Variants in TSHZ2 observed in about 807,000 individuals in gnomAD.
TSHZ2 encodes the protein teashirt homolog 2.
A neutral mutation model predicts 74.4 loss-of-function variants in TSHZ2; 21 were observed. The observed-to-expected ratio is 0.28, with a 90% CI of 0.20 to 0.41. TSHZ2 has a LOEUF of 0.41. TSHZ2 is among the 10% of genes least tolerant of loss of function. The pLI is 1.00. For synonymous variants in TSHZ2, 540 were observed against 515.3 expected, an observed-to-expected ratio of 1.05 and a Z score of -0.65; for missense variants, 1,244 against 1,293.5, an observed-to-expected ratio of 0.96 and a Z score of 0.59.
chr20:53,342,625 A>G (rs1980252779), intron 2 of TSHZ2, among the ~76,000 whole-genome samples: 1 of 152,066 alleles, frequency 6.6e-6, no homozygotes, highest in Non-Finnish European at 1.5e-5. Context: ...CACTGTAGAC[A>G]CTCACGTATG....
chr20:53,291,851 A>C (rs1199677347), intron 2 of TSHZ2, among the ~76,000 whole-genome samples: 2 of 152,220 alleles, frequency 1.3e-5, no homozygotes, highest in Non-Finnish European at 2.9e-5. Flanking sequence ...TGGTACATCA[A>C]GGCAAACCTT....
At position 53,409,302 on chromosome 20, in the gene TSHZ2, C is replaced by T. The variant is rs1311435550; in HGVS notation, c.*9-77842C>T. Reference sequence around the variant, plus strand: ...TTATCTTTCTAAACAGTTGGCGATTCCTATTCTTGTTCGTCTTCCTGAACA... The same window carrying T: ...TTATCTTTCTAAACAGTTGGCGATTTCTATTCTTGTTCGTCTTCCTGAACA... On this transcript the variant is annotated intron_variant, in intron 2 of 2. Transcript: ENST00000371497. Among the ~76,000 whole-genome samples the T allele has an allele frequency of 2.0e-5, 3 of 152,064 alleles. No homozygotes were observed. In the East Asian group the frequency reaches 5.8e-4, roughly 29 times the overall value.
rs1404565328 is a variant in TSHZ2, at chr20:53,074,175, T to A, written c.40+100842T>A. On this transcript the variant is annotated intron_variant, in intron 1 of 2. Transcript: ENST00000371497. The surrounding 1 kb of genome is among the most constrained non-coding windows in gnomAD (Gnocchi z 5.9). The stretch of plus-strand genomic sequence containing the variant: ...TGCTGTTCAAATGTCGCCTTCTCAA[T>A]GGAGCCCTCCTTGACCACTCCCTTG... Among the ~76,000 whole-genome samples, 1 of 152,254 alleles carries A rather than the reference T, an allele frequency of 6.6e-6. No homozygotes were observed. Among genetic ancestry groups the A allele is most frequent in the Non-Finnish European group, 1.5e-5 (1 of 68,040 alleles).
chr20:53,303,196 C>G (rs1978381009), intron 2 of TSHZ2, among the ~76,000 whole-genome samples: 1 of 152,164 alleles, frequency 6.6e-6, no homozygotes, highest in Admixed American at 6.5e-5. Flanking sequence ...AATTTCAAAA[C>G]TTTAGACACC....
intron 2 of TSHZ2, among the ~76,000 whole-genome samples, chr20:53,374,048 A>G (rs1981572161): frequency 6.6e-6 from 1 of 152,246 alleles, no homozygotes; most frequent in African/African-American, 2.4e-5. Flanking sequence ...TTATATAGGT[A>G]AATTGTGAGT....
intron 2 of TSHZ2, among the ~76,000 whole-genome samples, chr20:53,295,837 A>AT (rs1383871315): frequency 6.6e-6 from 1 of 152,104 alleles, no homozygotes; most frequent in East Asian, 1.9e-4. Context: ...ACACTTTGAG[A>AT]TTTTCTTTTT....
chr20:53,118,068 G>C (rs931576445), intron 1 of TSHZ2, among the ~76,000 whole-genome samples: 2 of 152,174 alleles, frequency 1.3e-5, no homozygotes, highest in Non-Finnish European at 1.5e-5. Flanking sequence ...ATTTGCTCTT[G>C]ATCACCACTG....
rs929587008 is a variant in TSHZ2 at position 53,134,452 on chromosome 20, A to G, written c.41-119047A>G. On this transcript the variant is annotated intron_variant, in intron 1 of 2. Coordinates refer to ENST00000371497, the MANE Select transcript of TSHZ2 (RefSeq NM_173485.6). ...TTAACCTGGAGCATAGCACACCTCA[A>G]TATAAATTTTCTCATCATTTGACAC... Among the ~76,000 whole-genome samples, 23 of 152,302 alleles carry G rather than the reference A, an allele frequency of 1.5e-4. 1 individual carries two copies. The highest frequency in any genetic ancestry group is 5.2e-4 in the Admixed American group (8 of 15,294).
intron 2 of TSHZ2, among the ~76,000 whole-genome samples, chr20:53,320,588 G>A (rs1027262833): frequency 1.3e-5 from 2 of 152,218 alleles, no homozygotes; most frequent in African/African-American, 2.4e-5. Context: ...TTCTAGAAGT[G>A]TTGCTGGTAG....
intron 1 of TSHZ2, among the ~76,000 whole-genome samples, chr20:53,226,176 T>C (rs1989683867): frequency 6.9e-6 from 1 of 145,626 alleles, no homozygotes; most frequent in South Asian, 2.3e-4. Flanking sequence ...ACAAACACAA[T>C]GCTAACTCAG....
At chr20:53,468,862 A>G (rs1985645878) in intron 2 of TSHZ2, among the ~76,000 whole-genome samples, 1 of 150,234 alleles carries the variant, frequency 6.7e-6, no homozygotes, top group African/African-American at 2.4e-5. Flanking sequence ...GTCAATTATG[A>G]CCCGAATGCT....
chr20:53,294,270 G>A (rs1473517228), intron 2 of TSHZ2, among the ~76,000 whole-genome samples: 2 of 152,308 alleles, frequency 1.3e-5, no homozygotes, highest in South Asian at 2.1e-4. Flanking sequence ...AGTTAGTGCC[G>A]AACCTAGCAC....
chr20:53,182,173 T>C (rs1443961011), intron 1 of TSHZ2, among the ~76,000 whole-genome samples: 34 of 125,068 alleles, frequency 2.7e-4, no homozygotes, highest in South Asian at 5.6e-4. Flanking sequence ...TTTCTTTCTT[T>C]CTTCCTTCCT....
chr20:53,381,250 T>G (rs527346529), intron 2 of TSHZ2, among the ~76,000 whole-genome samples: 45 of 152,338 alleles, frequency 3.0e-4, no homozygotes, highest in African/African-American at 1.1e-3. Flanking sequence ...ATCACTCACT[T>G]TAGCAGTTCT....
At chr20:53,429,631 C>G (rs369812095) in intron 2 of TSHZ2, among the ~76,000 whole-genome samples, 22 of 152,148 alleles carry the variant, frequency 1.4e-4, no homozygotes, top group African/African-American at 4.8e-4. Flanking sequence ...GTAAATTGCC[C>G]AGTCTCAGGT....
chr20:53,188,706 T>G (rs1353675851), intron 1 of TSHZ2, among the ~76,000 whole-genome samples: 1 of 152,218 alleles, frequency 6.6e-6, no homozygotes, highest in East Asian at 1.9e-4. Context: ...CATATACATA[T>G]GAATACATAT....
chr20:53,349,572 A>G (rs1980565357), intron 2 of TSHZ2, among the ~76,000 whole-genome samples: 1 of 150,044 alleles, frequency 6.7e-6, no homozygotes, highest in Admixed American at 6.7e-5. Flanking sequence ...GGATCACTTG[A>G]GTCTGGGAGG....
At position 53,131,775 on chromosome 20, in the gene TSHZ2, G is replaced by A. The variant is rs1182291132; in HGVS notation, c.41-121724G>A. On this transcript the variant is annotated intron_variant, in intron 1 of 2. Coordinates refer to ENST00000371497, the MANE Select transcript of TSHZ2 (RefSeq NM_173485.6). ...ACATCTGAAGATTTTAATTGGGTTTGCATTTTAATCTGTTACTCTTCACTC... is the reference window on the plus strand; with the variant it reads ...ACATCTGAAGATTTTAATTGGGTTTACATTTTAATCTGTTACTCTTCACTC... Among the ~76,000 whole-genome samples the A allele has an allele frequency of 4.2e-5, 6 of 141,646 alleles. No homozygotes were observed. The Admixed American group carries it at 4.4e-4, about 11-fold the overall frequency. The allele number at this position is 141,646 out of a possible 152,430, so 92.9% of individuals were successfully genotyped here.
chr20:52,991,923 T>C (rs896854160), intron 1 of TSHZ2, among the ~76,000 whole-genome samples: 5 of 152,188 alleles, frequency 3.3e-5, no homozygotes, highest in Admixed American at 2.0e-4. Flanking sequence ...CCTTCAGGAT[T>C]TTCCCTGTGA....
Sources: allele counts gnomAD v4.1 joint callset (sites outside exome capture counted in the v4.1 genomes callset), GRCh38; gene constraint gnomAD v4.1.1; non-coding constraint Gnocchi (gnomAD v3.1); transcripts MANE v1.5; gene names NCBI Gene and HGNC (gene_info 2026-07-23, HGNC 2026-07-21).